Variants in ZNF699 observed in about 807,000 individuals in gnomAD.
ZNF699 encodes zinc finger protein 699.
ZNF699 carries 18 observed loss-of-function variants against 22.5 expected under a neutral mutation model. The observed-to-expected ratio is 0.80, with a 90% CI of 0.55 to 1.19. The LOEUF (loss-of-function observed/expected upper bound fraction) is 1.19. ZNF699 is among the 50% of genes most tolerant of loss of function. The probability of loss-of-function intolerance (pLI) is 0.00; values close to 1 mark genes in which losing one functional copy is unlikely to be tolerated. For synonymous variants in ZNF699, 241 were observed against 262.3 expected (o/e 0.92, Z 0.78); for missense variants, 670 against 763.4 (o/e 0.88, Z 1.44).
Position 9,291,631 on chromosome 19 carries a change from G to T in ZNF699, c.*3844C>A, listed in dbSNP as rs2066265853. 1 of 151,488 alleles carries T rather than the reference G, an allele frequency of 6.6e-6. No individual in the cohort carries two copies. Among genetic ancestry groups the T allele is most frequent in the South Asian group, 2.1e-4 (1 of 4,816 alleles). 9.4% of individuals were successfully genotyped at this position (151,488 alleles called of 1,614,324 possible). A position where few individuals can be genotyped will look rare whatever the true frequency, so the allele number is the denominator to read the frequency against. On this transcript the variant is annotated 3_prime_UTR_variant, in exon 6 of 6. Coordinates refer to ENST00000591998, the MANE Select transcript of ZNF699 (RefSeq NM_198535.3). Reference sequence around the variant, plus strand: ...CATAGGAGAGTAGATTCATTATCTTGGTCCAGGCAAATAATTCTTAAACAG... The same window carrying T: ...CATAGGAGAGTAGATTCATTATCTTTGTCCAGGCAAATAATTCTTAAACAG...
intron 5 of ZNF699, 53 bp from the exon 6 acceptor site, chr19:9,296,986 G>A: frequency 1.4e-6 from 2 of 1,395,788 alleles, no homozygotes; most frequent in Non-Finnish European, 1.9e-6. Flanking sequence ...CAATTTCAGT[G>A]AATGTATATG....
At chr19:9,305,049 G>T (rs1169539158) in intron 2 of ZNF699, 23 bp downstream of exon 2, 4 of 1,597,286 alleles carry the variant, frequency 2.5e-6, no homozygotes, top group Non-Finnish European at 3.4e-6. Context: ...TATTCTTTTG[G>T]ACAATTATCA....
intron 3 of ZNF699, 70 bp downstream of exon 3, chr19:9,302,308 G>T (rs900538392): frequency 3.9e-5 from 61 of 1,577,284 alleles, no homozygotes; most frequent in Middle Eastern, 3.6e-4. Context: ...CCAAATCCTA[G>T]AATAAAGTCA....
chr19:9,303,002 T>C (rs1477502173), intron 2 of ZNF699, among the ~76,000 whole-genome samples: 2 of 149,398 alleles, frequency 1.3e-5, no homozygotes, highest in Non-Finnish European at 2.9e-5. Flanking sequence ...CACTCTAGCC[T>C]GGACAAAAAA....
rs751809886 is a variant in ZNF699 at position 9,293,591 on chromosome 19, A to C, written c.*1884T>G. 6.6e-6 allele frequency among the ~76,000 whole-genome samples: 1 copy of C among 152,212 alleles called. No individual in the cohort carries two copies. The highest frequency in any genetic ancestry group is 1.9e-4 in the East Asian group (1 of 5,192). Reference sequence around the variant, plus strand: ...ATGAAAATCAAGAACAAGCACACCAAGTCAATTATAGTAAGAGTCAAAATT... The same window carrying C: ...ATGAAAATCAAGAACAAGCACACCACGTCAATTATAGTAAGAGTCAAAATT... On this transcript the variant is annotated 3_prime_UTR_variant, in exon 6 of 6. Transcript: ENST00000591998.
Position 9,302,409 on chromosome 19 carries a change from C to T in ZNF699, c.144G>A (p.Met48Ile). 6.2e-7 allele frequency: 1 copy of T among 1,613,926 alleles called. No homozygotes were observed. Among genetic ancestry groups the T allele is most frequent in the Non-Finnish European group, 8.5e-7 (1 of 1,179,866 alleles). ...AGGCCAGGTTCTGGAAGTTTTCCAGCATCACATCTCTGTAGAGGTTTCTCT... is the reference window on the plus strand; with the variant it reads ...AGGCCAGGTTCTGGAAGTTTTCCAGTATCACATCTCTGTAGAGGTTTCTCT... ...LAQRNLYRDV[M>I]LENFQNLASL... Residue 48 changes from methionine to isoleucine, a missense_variant, in exon 3 of 6, where the codon ATG becomes ATA. Coordinates refer to ENST00000591998, the MANE Select transcript of ZNF699 (RefSeq NM_198535.3).
At position 9,296,577 on chromosome 19, in the gene ZNF699, T is replaced by C; in HGVS notation, c.827A>G (p.Lys276Arg). The C allele has an allele frequency of 6.2e-7, 1 of 1,614,228 alleles. No individual in the cohort carries two copies. The highest frequency in any genetic ancestry group is 8.5e-7 in the Non-Finnish European group (1 of 1,180,028). The change falls in exon 6 of 6, where the codon AAG becomes AGG. Residue 276 changes from lysine to arginine, a missense_variant. Physicochemically the swap from Lys to Arg is conservative, Grantham distance 26. Transcript: ENST00000591998. ...ACATTCTTTACATTCATAGTTTGTC[T>C]TTCCGATGTGAATCTTCATATGTGC... Reference protein sequence around the residue: ...FRAHMKIHIGKTNYECKECGK... With the variant: ...FRAHMKIHIGRTNYECKECGK...
At chr19:9,304,623 T>C (rs1381755793) in intron 2 of ZNF699, among the ~76,000 whole-genome samples, 1 of 152,162 alleles carries the variant, frequency 6.6e-6, no homozygotes, top group Non-Finnish European at 1.5e-5. Context: ...AGAGCTGAAT[T>C]GCAATAGAAA....
chr19:9,306,078 T>C (rs2066326731), intron 1 of ZNF699, among the ~76,000 whole-genome samples: 1 of 150,986 alleles, frequency 6.6e-6, no homozygotes, highest in Admixed American at 6.6e-5. Context: ...TAAATCTGCC[T>C]GCACAGTACA....
intron 2 of ZNF699, among the ~76,000 whole-genome samples, chr19:9,302,836 A>C (rs1049073526): frequency 1.3e-5 from 2 of 152,128 alleles, no homozygotes; most frequent in Admixed American, 1.3e-4. Flanking sequence ...TAGGCAACAG[A>C]ACATAGTGAG....
Position 9,297,933 on chromosome 19 carries a change from T to C in ZNF699, c.233A>G (p.Gln78Arg). 6.2e-7 allele frequency: 1 copy of C among 1,613,848 alleles called. No homozygotes were observed. ...ISQWEQEEDLQTVKRELIQGI... is the reference protein window; with the variant it reads ...ISQWEQEEDLRTVKRELIQGI... ...CTGGATAAGTTCTCTCTTCACTGTC[T>C]GCAGGTCCTCCTCTTGTTCCCACTG... Residue 78 changes from glutamine (Q) to arginine (R), a missense_variant, in exon 4 of 6, where the codon CAG (glutamine) becomes CGG (arginine). Coordinates refer to ENST00000591998, the MANE Select transcript of ZNF699 (RefSeq NM_198535.3). The surrounding 1 kb of genome is among the most constrained non-coding windows in gnomAD (Gnocchi z 4.3).
intron 1 of ZNF699, among the ~76,000 whole-genome samples, chr19:9,307,962 A>G (rs1468287716): frequency 6.6e-6 from 1 of 151,980 alleles, no homozygotes; most frequent in Non-Finnish European, 1.5e-5. Flanking sequence ...AAAAAAAAAA[A>G]ATCGGTATTA....
chr19:9,292,093 G>A lies in ZNF699; in HGVS notation c.*3382C>T, dbSNP rs1024142857. ...CTAGGAACTACCTAACCCTGGCTGA[G>A]TTCCCAGACTTCACAGTTCCCACTT... On this transcript the variant is annotated 3_prime_UTR_variant, in exon 6 of 6. Coordinates refer to ENST00000591998, the MANE Select transcript of ZNF699 (RefSeq NM_198535.3). 1.3e-5 allele frequency among the ~76,000 whole-genome samples: 2 copies of A among 152,134 alleles called. No individual in the cohort carries two copies. The highest frequency in any genetic ancestry group is 4.8e-5 in the African/African-American group (2 of 41,430).
intron 1 of ZNF699, among the ~76,000 whole-genome samples, chr19:9,307,243 A>T (rs567002892): frequency 6.6e-6 from 1 of 152,248 alleles, no homozygotes; most frequent in South Asian, 2.1e-4. Context: ...GTTATCTTTG[A>T]GCTCCTTTTC....
Position 9,296,805 on chromosome 19 carries a change from C to T in ZNF699, c.599G>A (p.Cys200Tyr), listed in dbSNP as rs2144975667. 6.2e-7 allele frequency: 1 copy of T among 1,614,176 alleles called. No homozygotes were observed. Among genetic ancestry groups the T allele is most frequent in the Non-Finnish European group, 8.5e-7 (1 of 1,180,024 alleles). Residue 200 changes from cysteine to tyrosine, a missense_variant, in exon 6 of 6, where the codon TGT becomes TAT. By Grantham distance (194) the Cys-to-Tyr change is radical. Transcript: ENST00000591998. ...TEVKSCECHE[C>Y]GKAFVDHSSL... The stretch of plus-strand genomic sequence containing the variant: ...TGAATGATCCACGAAGGCCTTTCCA[C>T]ACTCATGGCATTCACAGGATTTTAC...
chr19:9,305,522 C>T (rs1051524703), intron 1 of ZNF699, among the ~76,000 whole-genome samples: 11 of 152,154 alleles, frequency 7.2e-5, no homozygotes, highest in African/African-American at 2.4e-4. Context: ...CATGAATAAA[C>T]ACTCCCCATC....
In ZNF699 at chr19:9,296,360, A is replaced by C. The variant is rs142077252; in HGVS notation, c.1044T>G (p.Ser348=). ...KECGKAFSSS[S]HLIIHIRIHT... is the part of the protein sequence containing the mutation. Reference sequence around the variant, plus strand: ...GAATTCTTATATGTATTATAAGGTGAGAGGAAGAGCTAAAGGCCTTCCCAC... The same window carrying C: ...GAATTCTTATATGTATTATAAGGTGCGAGGAAGAGCTAAAGGCCTTCCCAC... Residue 348 remains serine (S), a synonymous_variant, in exon 6 of 6, where the codon TCT becomes TCG. Coordinates refer to ENST00000591998, the MANE Select transcript of ZNF699 (RefSeq NM_198535.3). 1.5e-4 allele frequency: 236 copies of C among 1,609,702 alleles called. 1 individual carries two copies. In the African/African-American group the frequency reaches 2.8e-3, roughly 19 times the overall value.
intron 3 of ZNF699, among the ~76,000 whole-genome samples, chr19:9,298,361 G>T (rs1385532799): frequency 8.6e-5 from 13 of 151,184 alleles, no homozygotes; most frequent in Admixed American, 1.3e-4. Flanking sequence ...CAGGAGAATT[G>T]CTTGAACCCG....
chr19:9,298,723 T>A (rs963936786), intron 3 of ZNF699, among the ~76,000 whole-genome samples: 14 of 152,338 alleles, frequency 9.2e-5, no homozygotes, highest in African/African-American at 3.4e-4. Context: ...AGAGTATTAT[T>A]GAATAATACT....
Sources: gnomAD v4.1 joint callset for allele counts (sites outside exome capture counted in the v4.1 genomes callset) on GRCh38, gnomAD v4.1.1 for gene constraint, Gnocchi (gnomAD v3.1) non-coding constraint, MANE v1.5 for transcripts, NCBI Gene and HGNC (gene_info 2026-07-23, HGNC 2026-07-21) for gene names.